Variants in TMEM117 observed in about 807,000 individuals in gnomAD.
The protein encoded by TMEM117 is transmembrane protein 117.
Under a neutral mutation model 52.4 loss-of-function variants are expected in TMEM117, and 27 were observed. The ratio of observed to expected loss-of-function variants is 0.51; its 90% CI spans 0.38 to 0.71. The LOEUF (loss-of-function observed/expected upper bound fraction) is 0.71, where lower values mean the gene tolerates loss of function less well. Among genes scored for constraint, TMEM117 ranks in the 30% least tolerant of loss-of-function variants. The pLI is 0.00. For synonymous variants in TMEM117, 215 were observed against 206.3 expected (o/e 1.04, Z -0.36); for missense variants, 556 against 630.5 (o/e 0.88, Z 1.26).
intron 5 of TMEM117, among the ~76,000 whole-genome samples, chr12:44,285,754 A>C (rs1039834872): frequency 3.3e-5 from 5 of 152,250 alleles, no homozygotes; most frequent in African/African-American, 1.2e-4. Context: ...TAAAACAAGG[A>C]AAATGAAAAG....
At chr12:44,027,132 A>ATTTTATTT (rs1168252252) in intron 3 of TMEM117, among the ~76,000 whole-genome samples, 77 of 104,042 alleles carry the variant, frequency 7.4e-4, no homozygotes, top group African/African-American at 3.0e-3. Flanking sequence ...ATTTTATTTT[A>ATTTTATTT]TATTTTATTT....
At position 44,232,909 on chromosome 12, in the gene TMEM117, GT is replaced by G. The variant is rs531026498; in HGVS notation, c.608+21530del. On this transcript the variant is annotated intron_variant, in intron 5 of 7. Coordinates refer to ENST00000266534, the MANE Select transcript of TMEM117 (RefSeq NM_032256.3). Reference sequence around the variant, plus strand: ...TTTTTAAATACTATTGTGAGTTATAGTTTTTTTTAATAGTTTTCTTTCTTAC... The same window carrying G: ...TTTTTAAATACTATTGTGAGTTATAGTTTTTTTAATAGTTTTCTTTCTTAC... 1.9e-4 allele frequency among the ~76,000 whole-genome samples: 28 copies of G among 150,728 alleles called. No homozygotes were observed. The East Asian group carries it at 2.9e-3, about 16-fold the overall frequency.
At chr12:44,231,128 G>A (rs2138452014) in intron 5 of TMEM117, among the ~76,000 whole-genome samples, 1 of 151,734 alleles carries the variant, frequency 6.6e-6, no homozygotes, top group East Asian at 1.9e-4. Flanking sequence ...CCACTCCAAG[G>A]ACTTATTCAG....
chr12:43,845,829 G>T (rs972784423), intron 2 of TMEM117, among the ~76,000 whole-genome samples: 14 of 152,130 alleles, frequency 9.2e-5, no homozygotes, highest in Admixed American at 2.0e-4. Flanking sequence ...TGCTCAGAAT[G>T]ATGGTTTCCA....
intron 4 of TMEM117, among the ~76,000 whole-genome samples, chr12:44,154,860 C>T (rs923676954): frequency 2.0e-5 from 3 of 151,732 alleles, no homozygotes; most frequent in Admixed American, 2.0e-4. Flanking sequence ...TTTCTTAGCC[C>T]TACAAGTCTC....
chr12:43,963,590 C>T (rs1003734077), intron 3 of TMEM117, among the ~76,000 whole-genome samples: 2 of 152,172 alleles, frequency 1.3e-5, no homozygotes, highest in African/African-American at 4.8e-5. Context: ...GACAGATTTC[C>T]CTGACATCAA....
At chr12:43,983,618 T>C (rs186485980) in intron 3 of TMEM117, among the ~76,000 whole-genome samples, 56 of 150,036 alleles carry the variant, frequency 3.7e-4, no homozygotes, top group African/African-American at 1.3e-3. Flanking sequence ...ATATTTGGCT[T>C]TGATCAACAT....
At chr12:43,804,411 A>G in the TMEM117 span, 1 of 871,468 alleles carries the variant, frequency 1.1e-6, no homozygotes, top group East Asian at 2.7e-5. Flanking sequence ...TTAATAGTTC[A>G]AATCACTGAC....
intron 6 of TMEM117, among the ~76,000 whole-genome samples, chr12:44,326,276 T>C (rs1951194693): frequency 6.6e-6 from 1 of 152,190 alleles, no homozygotes; most frequent in Admixed American, 6.5e-5. Flanking sequence ...CAGAAATCCA[T>C]ATTTTAATTT....
intron 3 of TMEM117, among the ~76,000 whole-genome samples, chr12:44,019,521 C>T (rs961176757): frequency 2.6e-5 from 4 of 152,104 alleles, no homozygotes; most frequent in Non-Finnish European, 5.9e-5. Flanking sequence ...CTATACATTT[C>T]TCTCCTCTTC....
intron 1 of TMEM117, among the ~76,000 whole-genome samples, chr12:43,842,521 A>T (rs2137350385): frequency 6.6e-6 from 1 of 152,234 alleles, no homozygotes; most frequent in Admixed American, 6.5e-5. Flanking sequence ...ATTAACTAAG[A>T]TTGTGGGTTG....
intron 6 of TMEM117, among the ~76,000 whole-genome samples, chr12:44,355,624 G>A (rs1951637110): frequency 6.6e-6 from 1 of 152,032 alleles, no homozygotes; most frequent in Non-Finnish European, 1.5e-5. Flanking sequence ...CCAAACCATG[G>A]AAGTTGCATG....
chr12:44,285,424 T>A (rs1204870927), intron 5 of TMEM117, among the ~76,000 whole-genome samples: 1 of 152,224 alleles, frequency 6.6e-6, no homozygotes, highest in Non-Finnish European at 1.5e-5. Flanking sequence ...TTCTCAAGGA[T>A]GCTATCTTAA....
At chr12:44,317,002 CTTTTTTT>C (rs1202276425) in intron 6 of TMEM117, among the ~76,000 whole-genome samples, 6 of 121,534 alleles carry the variant, frequency 4.9e-5, no homozygotes, top group Non-Finnish European at 8.8e-5. Context: ...TTTTCTTTTT[CTTTTTTT>C]TTTTTTTTTT....
At chr12:44,362,282 C>G (rs1330877482) in intron 6 of TMEM117, among the ~76,000 whole-genome samples, 2 of 152,046 alleles carry the variant, frequency 1.3e-5, no homozygotes, top group African/African-American at 4.8e-5. Context: ...CACCTGGTAC[C>G]CTTTCCCTGC....
chr12:44,350,558 A>G (rs543497800), intron 6 of TMEM117, among the ~76,000 whole-genome samples: 2 of 151,980 alleles, frequency 1.3e-5, no homozygotes, highest in African/African-American at 2.4e-5. Context: ...TCTACTCTCT[A>G]TCTCCATGAG....
intron 6 of TMEM117, among the ~76,000 whole-genome samples, chr12:44,340,617 A>G (rs1259376050): frequency 6.6e-6 from 1 of 151,848 alleles, no homozygotes; most frequent in Admixed American, 6.6e-5. Context: ...CCATCTAACT[A>G]CTTAGCTATG....
intron 2 of TMEM117, among the ~76,000 whole-genome samples, chr12:43,867,720 A>G (rs1476902570): frequency 2.6e-5 from 4 of 152,222 alleles, no homozygotes; most frequent in Non-Finnish European, 5.9e-5. Flanking sequence ...ATGTTTTAAA[A>G]TAATGAAAGG....
intron 3 of TMEM117, among the ~76,000 whole-genome samples, chr12:43,984,843 A>G (rs1945820636): frequency 6.6e-6 from 1 of 152,196 alleles, no homozygotes; most frequent in African/African-American, 2.4e-5. Context: ...ATCAGCCCAC[A>G]TACCGAAATG....
Sources: allele counts gnomAD v4.1 joint callset (sites outside exome capture counted in the v4.1 genomes callset), GRCh38; gene constraint gnomAD v4.1.1; transcripts MANE v1.5; gene names NCBI Gene and HGNC (gene_info 2026-07-23, HGNC 2026-07-21).